POU6F2: variants seen among roughly 807,000 people sequenced by gnomAD.
POU6F2 encodes the protein POU domain, class 6, transcription factor 2.
In POU6F2, 31 loss-of-function variants were observed where a neutral mutation model predicts 71.3. The ratio of observed to expected loss-of-function variants is 0.43; its 90% CI spans 0.33 to 0.59. The LOEUF is 0.59. Among genes scored for constraint, POU6F2 ranks in the 20% least tolerant of loss-of-function variants. The pLI, the probability that POU6F2 is intolerant of heterozygous loss-of-function variation, is 0.04. For synonymous variants in POU6F2, 347 were observed against 355.7 expected (o/e 0.98, Z 0.27); for missense variants, 783 against 856.8 (o/e 0.91, Z 1.07).
intron 4 of POU6F2, among the ~76,000 whole-genome samples, chr7:39,251,639 G>C (rs950823866): frequency 6.6e-6 from 1 of 152,144 alleles, no homozygotes; most frequent in South Asian, 2.1e-4. Flanking sequence ...ATAAAAATAA[G>C]AAGACATCTC....
intron 2 of POU6F2, among the ~76,000 whole-genome samples, chr7:39,197,417 C>T (rs755017564): frequency 6.6e-6 from 1 of 152,242 alleles, no homozygotes; most frequent in Non-Finnish European, 1.5e-5. Flanking sequence ...CAGCCGCAGG[C>T]CAGGACCTGC....
At chr7:39,117,482 A>T (rs1468501133) in intron 2 of POU6F2, among the ~76,000 whole-genome samples, 3 of 152,206 alleles carry the variant, frequency 2.0e-5, no homozygotes, top group Admixed American at 1.3e-4. Flanking sequence ...ATCTAAAAAG[A>T]CATAAACCTA....
intron 1 of POU6F2, among the ~76,000 whole-genome samples, chr7:38,988,704 T>C (rs1416393359): frequency 6.6e-6 from 1 of 152,112 alleles, no homozygotes; most frequent in African/African-American, 2.4e-5. Flanking sequence ...ACTGTTGTTA[T>C]TTCCATTTTA....
chr7:39,295,927 C>T (rs1784836973), intron 4 of POU6F2, among the ~76,000 whole-genome samples: 1 of 152,126 alleles, frequency 6.6e-6, no homozygotes, highest in Non-Finnish European at 1.5e-5. Flanking sequence ...GCTGCATTTC[C>T]CTGTTATCAG....
intron 1 of POU6F2, among the ~76,000 whole-genome samples, chr7:39,058,930 A>T (rs1366921223): frequency 2.0e-5 from 3 of 152,228 alleles, no homozygotes; most frequent in Admixed American, 1.3e-4. Context: ...TATATTTATG[A>T]AAACAACCTG....
chr7:39,312,871 G>A (rs1785193279), intron 4 of POU6F2, among the ~76,000 whole-genome samples: 1 of 152,188 alleles, frequency 6.6e-6, no homozygotes, highest in Non-Finnish European at 1.5e-5. Flanking sequence ...GTGGGACGGT[G>A]TGAGATTTCA....
chr7:39,155,705 T>G (rs1024925406), intron 2 of POU6F2, among the ~76,000 whole-genome samples: 1 of 152,228 alleles, frequency 6.6e-6, no homozygotes, highest in Non-Finnish European at 1.5e-5. Flanking sequence ...ACATCCAATT[T>G]TATAATTTAC....
At position 39,122,899 on chromosome 7, in the gene POU6F2, G is replaced by A. The variant is rs535479315; in HGVS notation, c.277+36868G>A. ...ATTTTTGTATTTTTAGTAGAGACGG[G>A]GTTTTGCCATGTTGACCAGGCTGGT... is the stretch of plus-strand genomic sequence containing the variant. On this transcript the variant is annotated intron_variant, in intron 2 of 9. Transcript: ENST00000518318. Among the ~76,000 whole-genome samples the A allele has an allele frequency of 5.9e-5, 9 of 152,022 alleles. 1 individual carries two copies. In the South Asian group the frequency reaches 1.5e-3, roughly 25 times the overall value.
intron 2 of POU6F2, among the ~76,000 whole-genome samples, chr7:39,119,502 G>T (rs748873006): frequency 6.6e-6 from 1 of 152,090 alleles, no homozygotes; most frequent in Non-Finnish European, 1.5e-5. Flanking sequence ...GTTGGAAGAG[G>T]GGAGGGGAAA....
At chr7:39,414,113 T>C (rs1787617126) in intron 6 of POU6F2, among the ~76,000 whole-genome samples, 1 of 152,124 alleles carries the variant, frequency 6.6e-6, no homozygotes, top group Non-Finnish European at 1.5e-5. Context: ...ACCGAACACT[T>C]CCCAGAGTTC....
At chr7:39,123,696 G>A (rs1041079558) in intron 2 of POU6F2, among the ~76,000 whole-genome samples, 2 of 151,870 alleles carry the variant, frequency 1.3e-5, no homozygotes, top group African/African-American at 4.8e-5. Flanking sequence ...TATTTTTAAG[G>A]CTTCTATTAT....
At chr7:39,037,784 T>G (rs1790098709) in intron 1 of POU6F2, among the ~76,000 whole-genome samples, 1 of 151,912 alleles carries the variant, frequency 6.6e-6, no homozygotes, top group Admixed American at 6.6e-5. Flanking sequence ...TTGGGAGAGG[T>G]TCTTTGTGCC....
At chr7:39,177,433 G>A (rs191970293) in intron 2 of POU6F2, among the ~76,000 whole-genome samples, 30 of 152,288 alleles carry the variant, frequency 2.0e-4, no homozygotes, top group African/African-American at 5.3e-4. Flanking sequence ...AAGCTCAAAC[G>A]CACTAAATTG....
intron 4 of POU6F2, among the ~76,000 whole-genome samples, chr7:39,278,437 A>G (rs1784500180): frequency 1.3e-5 from 2 of 152,222 alleles, no homozygotes; most frequent in South Asian, 2.1e-4. Flanking sequence ...AGTGGCCAAT[A>G]TTCTTCCACT....
intron 6 of POU6F2, among the ~76,000 whole-genome samples, chr7:39,420,581 A>G (rs1212381849): frequency 1.3e-5 from 2 of 152,212 alleles, no homozygotes; most frequent in Admixed American, 6.5e-5. Context: ...TCAGAAACCA[A>G]ATATGATACT....
intron 2 of POU6F2, among the ~76,000 whole-genome samples, chr7:39,120,444 T>C (rs1276482190): frequency 1.3e-5 from 2 of 152,206 alleles, no homozygotes; most frequent in African/African-American, 2.4e-5. Context: ...AGTAACCCAA[T>C]ACTACACATA....
At chr7:39,123,586 A>G (rs919726498) in intron 2 of POU6F2, among the ~76,000 whole-genome samples, 2 of 152,216 alleles carry the variant, frequency 1.3e-5, no homozygotes, top group Non-Finnish European at 2.9e-5. Context: ...TTTAGAAACT[A>G]TTCTGGAGCC....
intron 5 of POU6F2, among the ~76,000 whole-genome samples, chr7:39,399,017 C>T (rs368060951): frequency 1.3e-5 from 2 of 152,202 alleles, no homozygotes; most frequent in South Asian, 2.1e-4. Flanking sequence ...AGTTCTTAAT[C>T]GTTTCACTGT....
intron 1 of POU6F2, among the ~76,000 whole-genome samples, chr7:39,036,749 A>G (rs1220186921): frequency 6.6e-6 from 1 of 152,014 alleles, no homozygotes; most frequent in Non-Finnish European, 1.5e-5. Context: ...ATGAATTTAT[A>G]TGTCATTTTA....
Sources: allele counts gnomAD v4.1 joint callset (sites outside exome capture counted in the v4.1 genomes callset), GRCh38; gene constraint gnomAD v4.1.1; transcripts MANE v1.5; gene names NCBI Gene and HGNC (gene_info 2026-07-23, HGNC 2026-07-21).